Variants in PREP observed in about 807,000 individuals in gnomAD.
The protein encoded by PREP is prolyl endopeptidase, also known as dJ355L5.1 (prolyl endopeptidase).
PREP carries 29 observed loss-of-function variants against 87.6 expected under a neutral mutation model. The ratio of observed to expected loss-of-function variants is 0.33; its 90% CI spans 0.25 to 0.45. The LOEUF is 0.45. PREP is among the 20% of genes least tolerant of loss of function. The pLI, the probability that PREP is intolerant of heterozygous loss-of-function variation, is 1.00. For synonymous variants in PREP, 337 were observed against 328.6 expected (o/e 1.03, Z -0.28); for missense variants, 695 against 886.5 (o/e 0.78, Z 2.74).
At chr6:105,398,380 AAT>A (rs768307378) in intron 1 of PREP, among the ~76,000 whole-genome samples, 1 of 152,224 alleles carries the variant, frequency 6.6e-6, no homozygotes, top group Non-Finnish European at 1.5e-5. Context: ...ATCTCCCTGC[AAT>A]ATAGCCCAGG....
chr6:105,370,121 ATGCACCTGTAGTCCCAGCTACT>A, intron 5 of PREP, among the ~76,000 whole-genome samples: 1 of 151,982 alleles, frequency 6.6e-6, no homozygotes, highest in South Asian at 2.1e-4. Context: ...GTGGGGTGGC[ATGCACCTGTAGTCCCAGCTACT>A]TGGGAGTCTG....
rs191841896 is a variant in PREP, at chr6:105,305,389, G to C, written c.1318-16495C>G. 8.0e-3 allele frequency among the ~76,000 whole-genome samples: 1,221 copies of C among 152,258 alleles called. 40 individuals carry two copies. The East Asian group carries it at 0.1, about 13-fold the overall frequency. The stretch of plus-strand genomic sequence containing the variant: ...TGAGTGTGGCCCCGAATTAAGGACA[G>C]CATCAACAGAAGTCCTAGAATCAGG... On this transcript the variant is annotated intron_variant, in intron 10 of 14. Coordinates refer to ENST00000652536, the MANE Select transcript of PREP (RefSeq NM_002726.5).
intron 10 of PREP, among the ~76,000 whole-genome samples, chr6:105,310,118 G>C (rs927883052): frequency 4.6e-5 from 7 of 152,182 alleles, no homozygotes; most frequent in African/African-American, 1.7e-4. Context: ...AATTTGAAAA[G>C]TAATCGGAAG....
chr6:105,330,771 G>A (rs1771308357), intron 8 of PREP, among the ~76,000 whole-genome samples: 1 of 152,196 alleles, frequency 6.6e-6, no homozygotes, highest in African/African-American at 2.4e-5. Context: ...AAAGATGTTG[G>A]AAAGAGGGAA....
Position 105,275,507 on chromosome 6 carries a change from ACTTTTT to A in PREP, c.*2631_*2636del, listed in dbSNP as rs1175051686. Among the ~76,000 whole-genome samples, 2 of 152,210 alleles carry A rather than the reference ACTTTTT, an allele frequency of 1.3e-5. No homozygotes were observed. Among genetic ancestry groups the A allele is most frequent in the South Asian group, 2.1e-4 (1 of 4,820 alleles). On this transcript the variant is annotated 3_prime_UTR_variant, in exon 15 of 15. Coordinates refer to ENST00000652536, the MANE Select transcript of PREP (RefSeq NM_002726.5). ...TGAGGCCACCTGTGCAACATGTACA[ACTTTTT>A]CTTTTTCAAAACAGTCCTAAAAAAA...
intron 2 of PREP, among the ~76,000 whole-genome samples, chr6:105,379,237 T>C (rs527542345): frequency 6.6e-6 from 1 of 152,226 alleles, no homozygotes; most frequent in African/African-American, 2.4e-5. Flanking sequence ...GAGATCAGAA[T>C]GGTTTTTGTA....
intron 8 of PREP, among the ~76,000 whole-genome samples, chr6:105,330,677 G>A (rs997487292): frequency 2.0e-5 from 3 of 152,060 alleles, no homozygotes; most frequent in African/African-American, 4.8e-5. Flanking sequence ...CATGTGGAAG[G>A]GGGGGGTTCT....
rs890044691 is a variant in PREP at position 105,274,018 on chromosome 6, C to A, written c.*4126G>T. 3.3e-5 allele frequency among the ~76,000 whole-genome samples: 5 copies of A among 152,216 alleles called. No individual in the cohort carries two copies. The highest frequency in any genetic ancestry group is 3.3e-4 in the Admixed American group (5 of 15,282). On this transcript the variant is annotated 3_prime_UTR_variant, in exon 15 of 15. Transcript: ENST00000652536. The stretch of plus-strand genomic sequence containing the variant: ...ACTATTCATTTGCCCCACTTTGTTT[C>A]TTCACAGCTCTTTTTATTCCTGTTT...
intron 6 of PREP, among the ~76,000 whole-genome samples, chr6:105,367,143 T>G (rs1176879724): frequency 1.3e-5 from 2 of 152,204 alleles, no homozygotes; most frequent in East Asian, 3.8e-4. Context: ...ATGGTCAATT[T>G]TATGAGATTA....
chr6:105,402,378 T>C (rs1773455552), intron 1 of PREP, among the ~76,000 whole-genome samples: 1 of 151,936 alleles, frequency 6.6e-6, no homozygotes. Context: ...GACTTTAAAG[T>C]GTAAGTTTTA....
At chr6:105,285,196 T>C (rs915283578) in intron 12 of PREP, among the ~76,000 whole-genome samples, 2 of 152,200 alleles carry the variant, frequency 1.3e-5, no homozygotes, top group African/African-American at 2.4e-5. Context: ...CTGACAGTGA[T>C]AATTAAAAAC....
chr6:105,401,332 AAG>A (rs548954679), intron 1 of PREP, among the ~76,000 whole-genome samples: 151 of 152,330 alleles, frequency 9.9e-4, no homozygotes, highest in Admixed American at 2.9e-3. Flanking sequence ...AACCAGAACC[AAG>A]AGAGTCACCT....
chr6:105,299,318 G>A (rs1453158597), intron 10 of PREP, among the ~76,000 whole-genome samples: 1 of 152,180 alleles, frequency 6.6e-6, no homozygotes, highest in African/African-American at 2.4e-5. Context: ...CCTGCCAAGG[G>A]TTGGGTACAG....
intron 6 of PREP, among the ~76,000 whole-genome samples, chr6:105,366,864 G>T (rs1223381609): frequency 3.3e-5 from 5 of 152,218 alleles, no homozygotes; most frequent in Non-Finnish European, 7.3e-5. Context: ...ATGTGTATGA[G>T]GTACCCAGAG....
At chr6:105,387,785 G>C (rs1773041746) in intron 2 of PREP, among the ~76,000 whole-genome samples, 1 of 152,182 alleles carries the variant, frequency 6.6e-6, no homozygotes, top group Non-Finnish European at 1.5e-5. Context: ...TGTGCTACAA[G>C]ATGTGGCTTG....
At chr6:105,335,605 A>T (rs903144544) in intron 7 of PREP, among the ~76,000 whole-genome samples, 2 of 152,158 alleles carry the variant, frequency 1.3e-5, no homozygotes, top group Non-Finnish European at 2.9e-5. Context: ...TAAATATAAA[A>T]ATAGGGCCAG....
At chr6:105,325,570 G>A (rs1771133215) in intron 9 of PREP, among the ~76,000 whole-genome samples, 2 of 152,204 alleles carry the variant, frequency 1.3e-5, no homozygotes, top group Non-Finnish European at 2.9e-5. Context: ...TCTGTCCTGT[G>A]CACCAGAAGT....
intron 1 of PREP, 37 bp downstream of exon 1, chr6:105,402,810 G>A: frequency 6.5e-7 from 1 of 1,527,862 alleles, no homozygotes; most frequent in South Asian, 1.2e-5. Flanking sequence ...GGGCACCTTT[G>A]CCCGGGAGCC....
At chr6:105,370,344 CT>C (rs1387112875) in intron 5 of PREP, among the ~76,000 whole-genome samples, 2 of 151,286 alleles carry the variant, frequency 1.3e-5, no homozygotes. Flanking sequence ...AACTATACAC[CT>C]GTAAGAATGG....
Sources: allele counts gnomAD v4.1 joint callset (sites outside exome capture counted in the v4.1 genomes callset), GRCh38; gene constraint gnomAD v4.1.1; transcripts MANE v1.5; gene names NCBI Gene and HGNC (gene_info 2026-07-23, HGNC 2026-07-21).